The following STRN variants were observed in gnomAD, a reference collection of about 807,000 sequenced individuals.
STRN encodes the protein striatin.
Under a neutral mutation model 96.3 loss-of-function variants are expected in STRN, and 53 were observed. The observed-to-expected ratio is 0.55, with a 90% CI of 0.44 to 0.69. STRN has a LOEUF of 0.69. Ranked by LOEUF, STRN falls within the 30% of genes least tolerant of loss-of-function variation. The probability of loss-of-function intolerance (pLI) is 0.00; values close to 1 mark genes in which losing one functional copy is unlikely to be tolerated. For missense variants in STRN, 987 were observed against 963.9 expected (o/e 1.02, Z -0.32); for synonymous variants, 428 against 355.9 (o/e 1.20, Z -2.28).
At chr2:36,895,900 G>C (rs1572656144) in intron 6 of STRN, among the ~76,000 whole-genome samples, 1 of 152,104 alleles carries the variant, frequency 6.6e-6, no homozygotes, top group Admixed American at 6.5e-5. Context: ...CCCCAGCCTG[G>C]GTGACAGTGC....
intron 12 of STRN, 63 bp from the exon 13 acceptor site, chr2:36,861,316 G>C: frequency 6.4e-7 from 1 of 1,562,900 alleles, no homozygotes; most frequent in East Asian, 2.3e-5. Context: ...AATATGACTT[G>C]TTAAAAATAA....
chr2:36,931,620 A>C (rs1670575755), intron 1 of STRN, among the ~76,000 whole-genome samples: 1 of 152,232 alleles, frequency 6.6e-6, no homozygotes, highest in Admixed American at 6.6e-5. Flanking sequence ...AAACAGAGCT[A>C]ACAATCCAGT....
intron 3 of STRN, among the ~76,000 whole-genome samples, chr2:36,913,988 G>T (rs1558650581): frequency 6.6e-6 from 1 of 151,802 alleles, no homozygotes; most frequent in Admixed American, 6.5e-5. Flanking sequence ...TAAACTTGAT[G>T]ATTTTTTTTT....
intron 3 of STRN, 63 bp from the exon 4 acceptor site, chr2:36,905,681 A>G (rs1669801798): frequency 1.5e-6 from 2 of 1,326,740 alleles, no homozygotes; most frequent in South Asian, 2.4e-5. Flanking sequence ...ATCTTAATTC[A>G]TTAATAACGT....
chr2:36,920,851 C>T (rs1670234354), intron 2 of STRN, among the ~76,000 whole-genome samples: 1 of 151,848 alleles, frequency 6.6e-6, no homozygotes, highest in African/African-American at 2.4e-5. Context: ...CCAAGGCGGG[C>T]GGATCACAAG....
chr2:36,856,018 C>A (rs1484649764), intron 14 of STRN, among the ~76,000 whole-genome samples: 1 of 152,050 alleles, frequency 6.6e-6, no homozygotes, highest in African/African-American at 2.4e-5. Context: ...CAAAAATGTG[C>A]ATACTGCAGA....
chr2:36,905,016 C>T (rs1321518721), intron 4 of STRN, among the ~76,000 whole-genome samples: 1 of 147,752 alleles, frequency 6.8e-6, no homozygotes, highest in African/African-American at 2.5e-5. Flanking sequence ...GTTGCCCAGG[C>T]TGGAGTGCAA....
chr2:36,928,783 A>T (rs1168729567), intron 1 of STRN, among the ~76,000 whole-genome samples: 1 of 151,212 alleles, frequency 6.6e-6, no homozygotes, highest in African/African-American at 2.4e-5. Flanking sequence ...TCTCTACTAA[A>T]AATACAAAAA....
chr2:36,948,755 G>A (rs1244685177), intron 1 of STRN, among the ~76,000 whole-genome samples: 1 of 152,164 alleles, frequency 6.6e-6, no homozygotes, highest in Non-Finnish European at 1.5e-5. Context: ...ATTGCCAAAT[G>A]ACAAAACAAG....
In STRN at chr2:36,847,105, G is replaced by A. The variant is rs191184300; in HGVS notation, c.*2351C>T. 7.9e-5 allele frequency: 12 copies of A among 152,238 alleles called. No individual in the cohort carries two copies. The highest frequency in any genetic ancestry group is 7.9e-4 in the Admixed American group (12 of 15,280). The allele number at this position is 152,238 out of a possible 1,614,324, so 9.4% of individuals were successfully genotyped here. A position where few individuals can be genotyped will look rare whatever the true frequency, so the allele number is the denominator to read the frequency against. On this transcript the variant is annotated 3_prime_UTR_variant, in exon 18 of 18. Transcript: ENST00000263918. ...GAGATCATGCAGTGCTGGTAGAGAA[G>A]ACTCTCTCCGTAGTCTCCAATGCCA...
chr2:36,954,285 TG>T (rs1236514751), intron 1 of STRN, among the ~76,000 whole-genome samples: 2 of 151,824 alleles, frequency 1.3e-5, no homozygotes, highest in African/African-American at 4.8e-5. Flanking sequence ...CTGAGGCAGA[TG>T]GATCACTTGA....
At chr2:36,963,608 A>G (rs974267210) in intron 1 of STRN, among the ~76,000 whole-genome samples, 14 of 152,212 alleles carry the variant, frequency 9.2e-5, no homozygotes, top group African/African-American at 3.4e-4. Context: ...ACACATTTTT[A>G]AAGTTTCTCT....
intron 13 of STRN, among the ~76,000 whole-genome samples, chr2:36,858,232 T>G (rs1668398603): frequency 6.6e-6 from 1 of 152,150 alleles, no homozygotes; most frequent in Non-Finnish European, 1.5e-5. Flanking sequence ...AAATTAAAAT[T>G]TAAAAGCACG....
At chr2:36,965,856 C>G (rs944941541) in intron 1 of STRN, among the ~76,000 whole-genome samples, 2 of 152,136 alleles carry the variant, frequency 1.3e-5, no homozygotes, top group Non-Finnish European at 2.9e-5. Context: ...AAGGGGCACA[C>G]CAGGGCAGCG....
At chr2:36,919,232 G>A (rs1050783285) in intron 2 of STRN, among the ~76,000 whole-genome samples, 2 of 152,154 alleles carry the variant, frequency 1.3e-5, no homozygotes, top group Admixed American at 1.3e-4. Flanking sequence ...GAGGGTATGC[G>A]TAAGAGACAG....
intron 10 of STRN, among the ~76,000 whole-genome samples, chr2:36,876,479 T>G (rs1449195517): frequency 1.3e-5 from 2 of 152,026 alleles, no homozygotes; most frequent in African/African-American, 4.8e-5. Context: ...GCAAACAGGT[T>G]GGGAGTTTTT....
intron 1 of STRN, among the ~76,000 whole-genome samples, chr2:36,928,603 G>C (rs1361050692): frequency 1.3e-5 from 2 of 149,242 alleles, no homozygotes; most frequent in African/African-American, 5.0e-5. Context: ...AGTGTGCAGA[G>C]ATCACACCAC....
chr2:36,961,115 C>CTTTTTTTTTT (rs551915869), intron 1 of STRN, among the ~76,000 whole-genome samples: 3 of 60,314 alleles, frequency 5.0e-5, no homozygotes, highest in African/African-American at 9.5e-5. Flanking sequence ...CCAGGCTGCA[C>CTTTTTTTTTT]TTTTTTTTTT....
chr2:36,909,413 A>C (rs752202269), intron 3 of STRN, among the ~76,000 whole-genome samples: 3 of 152,180 alleles, frequency 2.0e-5, no homozygotes, highest in Admixed American at 6.5e-5. Context: ...TTAGGGTAAC[A>C]GACACTAGAT....
Sources: allele counts gnomAD v4.1 joint callset (sites outside exome capture counted in the v4.1 genomes callset), GRCh38; gene constraint gnomAD v4.1.1; transcripts MANE v1.5; gene names NCBI Gene and HGNC (gene_info 2026-07-23, HGNC 2026-07-21).